The following KLHL42 variants were observed in gnomAD, a reference collection of about 807,000 sequenced individuals.
The protein encoded by KLHL42 is kelch like family member 42.
A neutral mutation model predicts 32.7 loss-of-function variants in KLHL42; 27 were observed. The ratio of observed to expected loss-of-function variants is 0.83; its 90% CI spans 0.61 to 1.14. The LOEUF (loss-of-function observed/expected upper bound fraction) is 1.14. Among genes scored for constraint, KLHL42 ranks in the 50% most tolerant of loss-of-function variants. The pLI is 0.00. For missense variants in KLHL42, 491 were observed against 560.8 expected (o/e 0.88, Z 1.26); for synonymous variants, 267 against 248.2 (o/e 1.08, Z -0.71).
intron 1 of KLHL42, chr12:27,787,869 A>G (rs558365458): frequency 4.6e-5 from 7 of 152,250 alleles, no homozygotes; most frequent in Non-Finnish European, 1.0e-4. Flanking sequence ...GAATAGTGCA[A>G]GAAAGAAAAC....
intron 1 of KLHL42, among the ~76,000 whole-genome samples, chr12:27,790,233 T>C (rs867623210): frequency 3.3e-5 from 5 of 152,250 alleles, no homozygotes; most frequent in Admixed American, 3.3e-4. Context: ...ATTTGAATGA[T>C]AGTATTTTAT....
chr12:27,782,423 A>G (rs1341779502), intron 1 of KLHL42, among the ~76,000 whole-genome samples: 1 of 152,248 alleles, frequency 6.6e-6, no homozygotes, highest in Non-Finnish European at 1.5e-5. Context: ...TCCTAGAGGC[A>G]GTAACCAGGT....
chr12:27,784,568 C>T (rs1217818601), intron 1 of KLHL42, among the ~76,000 whole-genome samples: 3 of 152,170 alleles, frequency 2.0e-5, no homozygotes, highest in Non-Finnish European at 2.9e-5. Context: ...GCACTCTCAT[C>T]GGGCCCGTGA....
chr12:27,791,267 C>T (rs919872512), intron 1 of KLHL42, among the ~76,000 whole-genome samples: 5 of 152,050 alleles, frequency 3.3e-5, no homozygotes, highest in African/African-American at 1.2e-4. Context: ...CTCGACAGCA[C>T]CAGTGTGTCC....
intron 1 of KLHL42, among the ~76,000 whole-genome samples, chr12:27,787,430 G>A (rs563559549): frequency 1.3e-5 from 2 of 150,742 alleles, no homozygotes; most frequent in South Asian, 2.1e-4. Flanking sequence ...GGGATGGGGA[G>A]GTTGCGGTGA....
Position 27,799,825 on chromosome 12 carries a change from G to C in KLHL42, c.*1659G>C, listed in dbSNP as rs115138203. 9.0e-4 allele frequency: 215 copies of C among 238,894 alleles called. 1 individual carries two copies. Among genetic ancestry groups the C allele is most frequent in the African/African-American group, 4.8e-3 (206 of 43,054 alleles). 14.8% of individuals were successfully genotyped at this position (238,894 alleles called of 1,614,324 possible). On this transcript the variant is annotated 3_prime_UTR_variant, in exon 3 of 3. Transcript: ENST00000381271. ...ATTTTGGACATAGAAACAGATCTTT[G>C]TATCTTGTCACCAAATAATCTTACC...
chr12:27,785,012 T>C (rs1367815067), intron 1 of KLHL42, among the ~76,000 whole-genome samples: 1 of 152,234 alleles, frequency 6.6e-6, no homozygotes, highest in Non-Finnish European at 1.5e-5. Context: ...CTGTTATTTT[T>C]TCTGCAGTGT....
At chr12:27,786,984 C>G (rs2062175099) in intron 1 of KLHL42, among the ~76,000 whole-genome samples, 1 of 151,774 alleles carries the variant, frequency 6.6e-6, no homozygotes. Context: ...CTTGGCCTCC[C>G]AAAGTGCTGG....
rs147816664 is a variant in KLHL42 at position 27,802,746 on chromosome 12, A to T, written c.*4580A>T. ...GATTTACGTTGTCATTTTTCCTATT[A>T]AAAAAAACCCTTAAGAATGGGGCAC... On this transcript the variant is annotated 3_prime_UTR_variant, in exon 3 of 3. Transcript: ENST00000381271. The T allele has an allele frequency of 6.6e-6, 1 of 152,420 alleles. No homozygotes were observed. The highest frequency in any genetic ancestry group is 2.4e-5 in the African/African-American group (1 of 41,384). The allele number at this position is 152,420 out of a possible 1,614,324, so 9.4% of individuals were successfully genotyped here.
intron 2 of KLHL42, among the ~76,000 whole-genome samples, chr12:27,795,145 C>G (rs989104984): frequency 6.6e-6 from 1 of 152,180 alleles, no homozygotes; most frequent in African/African-American, 2.4e-5. Flanking sequence ...ATTCTGATTC[C>G]TCTCTAGGTT....
intron 1 of KLHL42, among the ~76,000 whole-genome samples, chr12:27,784,015 T>C (rs1468210690): frequency 1.3e-5 from 2 of 152,216 alleles, no homozygotes; most frequent in African/African-American, 4.8e-5. Flanking sequence ...AGCACTGCCA[T>C]TGAACATCCT....
intron 1 of KLHL42, among the ~76,000 whole-genome samples, chr12:27,782,605 G>A (rs1029605268): frequency 1.3e-5 from 2 of 152,084 alleles, no homozygotes; most frequent in African/African-American, 4.8e-5. Context: ...AGGGGTGGGC[G>A]GCCCTGAGTT....
At chr12:27,781,887 G>T (rs77377018) in intron 1 of KLHL42, among the ~76,000 whole-genome samples, 6,039 of 152,144 alleles carry the variant, frequency 0.04, 386 homozygotes, top group African/African-American at 0.14. Context: ...CTCCAACAAG[G>T]GTGACTTGAA....
At position 27,798,980 on chromosome 12, in the gene KLHL42, CTTAAA is replaced by C. The variant is rs2062232099; in HGVS notation, c.*817_*821del. The C allele has an allele frequency of 6.6e-6, 1 of 152,282 alleles. No homozygotes were observed. Among genetic ancestry groups the C allele is most frequent in the African/African-American group, 2.4e-5 (1 of 41,304 alleles). 9.4% of individuals were successfully genotyped at this position (152,282 alleles called of 1,614,324 possible). On this transcript the variant is annotated 3_prime_UTR_variant, in exon 3 of 3. Coordinates refer to ENST00000381271, the MANE Select transcript of KLHL42 (RefSeq NM_020782.2). ...ATATGAATATTATTAAAAATTGAGT[CTTAAA>C]TTTAAATGGGAAGGGAAGAAAACAC... is the stretch of plus-strand genomic sequence containing the variant.
At position 27,781,140 on chromosome 12, in the gene KLHL42, T is replaced by C. The variant is rs377651287; in HGVS notation, c.810T>C (p.Ala270=). ...GGATCACTAGCCAGGAGATCTCCGC[T>C]GCGCATTCCTACAACCCCAGCACCA... ...GYRITSQEIS[A]AHSYNPSTNE... is the part of the protein sequence containing the mutation. Residue 270 remains alanine, a synonymous_variant, in exon 1 of 3, where the codon GCT becomes GCC. Coordinates refer to ENST00000381271, the MANE Select transcript of KLHL42 (RefSeq NM_020782.2). The C allele has an allele frequency of 1.2e-6, 2 of 1,613,996 alleles. No homozygotes were observed. Among genetic ancestry groups the C allele is most frequent in the African/African-American group, 1.3e-5 (1 of 74,938 alleles).
Position 27,780,476 on chromosome 12 carries a change from C to T in KLHL42, c.146C>T (p.Pro49Leu), listed in dbSNP as rs777908032. 6.5e-7 allele frequency: 1 copy of T among 1,545,024 alleles called. No homozygotes were observed. The highest frequency in any genetic ancestry group is 8.7e-7 in the Non-Finnish European group (1 of 1,146,234). ...GCCCTGAGCCAGGAGGCCGGCGGCCCGGAGGTGCAGCAGCTGCGCGGCCTC... is the reference window on the plus strand; with the variant it reads ...GCCCTGAGCCAGGAGGCCGGCGGCCTGGAGGTGCAGCAGCTGCGCGGCCTC... ...REALSQEAGG[P>L]EVQQLRGLSA... Residue 49 changes from proline (P) to leucine (L), a missense_variant, in exon 1 of 3, where the codon CCG becomes CTG. By Grantham distance (98) the Pro-to-Leu change is moderately conservative. Around this residue, in one of 4 missense-constraint regions of KLHL42, gnomAD observed 88 missense variants for 89.0 expected, o/e 0.99. Coordinates refer to ENST00000381271, the MANE Select transcript of KLHL42 (RefSeq NM_020782.2). This position sits in a 1 kb window ranked among gnomAD's most constrained non-coding sequence, Gnocchi z 8.8.
At position 27,802,677 on chromosome 12, in the gene KLHL42, A is replaced by G. The variant is rs2062253511; in HGVS notation, c.*4511A>G. ...TGTACGGTTGGCTGGTGCTTTCTCA[A>G]ATGGATTGCCATAGTTCATTACTAG... On this transcript the variant is annotated 3_prime_UTR_variant, in exon 3 of 3. Transcript: ENST00000381271. 1 of 152,584 alleles carries G rather than the reference A, an allele frequency of 6.6e-6. No individual in the cohort carries two copies. Among genetic ancestry groups the G allele is most frequent in the South Asian group, 2.1e-4 (1 of 4,824 alleles). 9.5% of individuals were successfully genotyped at this position (152,584 alleles called of 1,614,324 possible).
rs2062255111 is a variant in KLHL42 at position 27,802,969 on chromosome 12, C to T, written c.*4803C>T. 6.6e-6 allele frequency: 1 copy of T among 152,172 alleles called. No individual in the cohort carries two copies. The highest frequency in any genetic ancestry group is 6.5e-5 in the Admixed American group (1 of 15,280). 9.4% of individuals were successfully genotyped at this position (152,172 alleles called of 1,614,324 possible). ...AATACAAGAATGCCTATGAAATACC[C>T]ACTATAACAGCATTCCTTTTGTGTT... On this transcript the variant is annotated 3_prime_UTR_variant, in exon 3 of 3. Coordinates refer to ENST00000381271, the MANE Select transcript of KLHL42 (RefSeq NM_020782.2).
rs143561055 is a variant in KLHL42, at chr12:27,780,822, C to A, written c.492C>A (p.Pro164=). 11 of 1,613,826 alleles carry A rather than the reference C, an allele frequency of 6.8e-6. No homozygotes were observed. The highest frequency in any genetic ancestry group is 9.3e-6 in the Non-Finnish European group (11 of 1,180,002). ...VVHFHEVLCK[P]QFHLLGSPPQ... ...ACTTCCACGAGGTGCTGTGCAAGCCCCAGTTCCACCTCCTGGGGTCTCCTC... is the reference window on the plus strand; with the variant it reads ...ACTTCCACGAGGTGCTGTGCAAGCCACAGTTCCACCTCCTGGGGTCTCCTC... Residue 164 remains proline, a synonymous_variant, in exon 1 of 3, where the codon CCC becomes CCA. Coordinates refer to ENST00000381271, the MANE Select transcript of KLHL42 (RefSeq NM_020782.2). The surrounding 1 kb of genome is among the most constrained non-coding windows in gnomAD (Gnocchi z 8.8).
Sources: gnomAD v4.1 joint callset for allele counts (sites outside exome capture counted in the v4.1 genomes callset) on GRCh38, gnomAD v4.1.1 for gene constraint, gnomAD v4.1.1 regional missense constraint, Gnocchi (gnomAD v3.1) non-coding constraint, MANE v1.5 for transcripts, NCBI Gene and HGNC (gene_info 2026-07-23, HGNC 2026-07-21) for gene names.